The following DGKB variants were observed in gnomAD, a reference collection of about 807,000 sequenced individuals.
The protein encoded by DGKB is 90 kDa diacylglycerol kinase.
Under a neutral mutation model 114.3 loss-of-function variants are expected in DGKB, and 67 were observed. The ratio of observed to expected loss-of-function variants is 0.59; its 90% CI spans 0.48 to 0.72. The LOEUF is 0.72. DGKB is among the 30% of genes least tolerant of loss of function. DGKB has a pLI of 0.00. For synonymous variants in DGKB, 398 were observed against 323.1 expected, an observed-to-expected ratio of 1.23 and a Z score of -2.49; for missense variants, 907 against 975.2, an observed-to-expected ratio of 0.93 and a Z score of 0.93.
At chr7:14,910,416 C>G (rs1783942526) in intron 1 of DGKB, among the ~76,000 whole-genome samples, 1 of 151,798 alleles carries the variant, frequency 6.6e-6, no homozygotes, top group African/African-American at 2.4e-5. Context: ...AGATTTCTTC[C>G]AAAACATATT....
At chr7:14,754,236 T>C (rs1016933075) in intron 3 of DGKB, among the ~76,000 whole-genome samples, 5 of 152,054 alleles carry the variant, frequency 3.3e-5, no homozygotes, top group Admixed American at 1.3e-4. Flanking sequence ...AGCCCCCCGG[T>C]TGATTCTGAG....
At chr7:14,840,334 C>A (rs1415382505) in intron 2 of DGKB, among the ~76,000 whole-genome samples, 21 of 152,026 alleles carry the variant, frequency 1.4e-4, no homozygotes, top group Admixed American at 1.2e-3. Flanking sequence ...TTTCTGTACT[C>A]ATCATTTTCC....
At chr7:14,419,091 G>T (rs931000390) in intron 21 of DGKB, among the ~76,000 whole-genome samples, 4 of 151,714 alleles carry the variant, frequency 2.6e-5, no homozygotes, top group Admixed American at 1.3e-4. Flanking sequence ...TCCTTACTCT[G>T]GGACAGCGGA....
chr7:14,556,280 A>G (rs761081315), intron 20 of DGKB, among the ~76,000 whole-genome samples: 1 of 152,144 alleles, frequency 6.6e-6, no homozygotes, highest in Non-Finnish European at 1.5e-5. Context: ...TCATATTAAC[A>G]TAATAACTGG....
chr7:14,204,542 G>A (rs1023216424), intron 23 of DGKB, among the ~76,000 whole-genome samples: 2 of 151,970 alleles, frequency 1.3e-5, no homozygotes, highest in African/African-American at 2.4e-5. Context: ...AACATACAAC[G>A]GCTGAGAAAA....
At chr7:14,352,854 C>T (rs902796182) in intron 21 of DGKB, among the ~76,000 whole-genome samples, 7 of 152,066 alleles carry the variant, frequency 4.6e-5, no homozygotes, top group East Asian at 1.9e-4. Flanking sequence ...ACCCGGGAGG[C>T]GGAGGCTGCA....
intron 1 of DGKB, among the ~76,000 whole-genome samples, chr7:14,958,970 T>A (rs1409697929): frequency 6.6e-6 from 1 of 152,074 alleles, no homozygotes; most frequent in Non-Finnish European, 1.5e-5. Flanking sequence ...ACCACATGAT[T>A]CCAAAGTTTT....
rs1254197595 is a variant in DGKB at position 14,148,827 on chromosome 7, T to C, written c.*304A>G. On this transcript the variant is annotated 3_prime_UTR_variant, in exon 26 of 26. Transcript: ENST00000402815. ...TGTTTCACGGGTTTTTCTCACAGGT[T>C]AGTAAAAGGAAATTGGGGAAGAGTT... is the stretch of plus-strand genomic sequence containing the variant. The C allele has an allele frequency of 2.6e-6, 1 of 384,860 alleles. No individual in the cohort carries two copies. Among genetic ancestry groups the C allele is most frequent in the East Asian group, 5.8e-5 (1 of 17,162 alleles). 23.8% of individuals were successfully genotyped at this position (384,860 alleles called of 1,614,324 possible).
intron 20 of DGKB, among the ~76,000 whole-genome samples, chr7:14,520,744 G>A (rs1041754041): frequency 1.3e-5 from 2 of 151,808 alleles, no homozygotes; most frequent in African/African-American, 4.8e-5. Flanking sequence ...AACAGTAAAT[G>A]GTTTCTAATA....
intron 2 of DGKB, among the ~76,000 whole-genome samples, chr7:14,813,864 A>T (rs1843743265): frequency 6.6e-6 from 1 of 152,172 alleles, no homozygotes. Flanking sequence ...CTAAGAAATG[A>T]AATTATTTGC....
intron 7 of DGKB, among the ~76,000 whole-genome samples, chr7:14,700,370 C>T (rs545911250): frequency 5.3e-5 from 8 of 152,086 alleles, no homozygotes; most frequent in Admixed American, 1.3e-4. Flanking sequence ...CCCACTACCA[C>T]GCCTCGATAA....
chr7:14,307,351 AG>A (rs537270664), intron 23 of DGKB, among the ~76,000 whole-genome samples: 180 of 152,318 alleles, frequency 1.2e-3, no homozygotes, highest in African/African-American at 4.1e-3. Flanking sequence ...TTCATAGAAA[AG>A]GATGTGGTGT....
At chr7:14,453,159 C>G (rs1831778051) in intron 21 of DGKB, among the ~76,000 whole-genome samples, 1 of 152,048 alleles carries the variant, frequency 6.6e-6, no homozygotes, top group African/African-American at 2.4e-5. Flanking sequence ...ATTATTGGGT[C>G]ATTTTACAGA....
chr7:14,624,421 T>G (rs574741929), intron 14 of DGKB, among the ~76,000 whole-genome samples: 1 of 152,206 alleles, frequency 6.6e-6, no homozygotes, highest in Non-Finnish European at 1.5e-5. Context: ...AAATTCAATT[T>G]GATTAGTTAC....
chr7:14,380,115 G>A (rs377410598), intron 21 of DGKB, among the ~76,000 whole-genome samples: 6 of 151,976 alleles, frequency 3.9e-5, no homozygotes, highest in African/African-American at 7.3e-5. Context: ...TGCGTACTTC[G>A]CTATATCCAA....
chr7:14,938,061 C>A (rs943438449), intron 1 of DGKB, among the ~76,000 whole-genome samples: 4 of 152,126 alleles, frequency 2.6e-5, no homozygotes, highest in Admixed American at 1.3e-4. Context: ...GTCCCCCTAA[C>A]CCATACATTG....
At chr7:14,919,095 A>AACACACAC (rs3036019) in intron 1 of DGKB, among the ~76,000 whole-genome samples, 4,229 of 114,910 alleles carry the variant, frequency 0.037, 287 homozygotes, top group African/African-American at 0.13. Context: ...CACACACACA[A>AACACACAC]ACACACACAC....
chr7:14,729,946 ATTAT>A (rs1830673928), intron 5 of DGKB, among the ~76,000 whole-genome samples: 1 of 152,180 alleles, frequency 6.6e-6, no homozygotes, highest in South Asian at 2.1e-4. Context: ...AGTGCCTATT[ATTAT>A]TTAAAGGGGG....
intron 1 of DGKB, among the ~76,000 whole-genome samples, chr7:14,879,016 T>C (rs1853802106): frequency 6.6e-6 from 1 of 151,880 alleles, no homozygotes; most frequent in Non-Finnish European, 1.5e-5. Flanking sequence ...ATTTTGGTGC[T>C]CAAAAACACA....
Sources: gnomAD v4.1 joint callset for allele counts (sites outside exome capture counted in the v4.1 genomes callset) on GRCh38, gnomAD v4.1.1 for gene constraint, MANE v1.5 for transcripts, NCBI Gene and HGNC (gene_info 2026-07-23, HGNC 2026-07-21) for gene names.